PHF14: variants seen among roughly 807,000 people sequenced by gnomAD.
The protein encoded by PHF14 is PHD finger protein 14.
A neutral mutation model predicts 117.9 loss-of-function variants in PHF14; 55 were observed. That is an observed-to-expected ratio of 0.47 (90% CI 0.38 to 0.58). The LOEUF (loss-of-function observed/expected upper bound fraction) is 0.58. PHF14 is among the 20% of genes least tolerant of loss of function. The pLI is 0.00. For synonymous variants in PHF14, 409 were observed against 368.6 expected (o/e 1.11, Z -1.26); for missense variants, 978 against 1,122.2 (o/e 0.87, Z 1.84).
chr7:11,006,563 T>C (rs2128314261), intron 4 of PHF14: 1 of 594,262 alleles, frequency 1.7e-6, no homozygotes, highest in Non-Finnish European at 3.2e-6. Context: ...GCTTGTTGGC[T>C]TTAACTTCCT....
At chr7:11,105,147 A>T in intron 16 of PHF14, 2 of 975,580 alleles carry the variant, frequency 2.1e-6, no homozygotes, top group Non-Finnish European at 2.4e-6. Flanking sequence ...AAAAGACTTG[A>T]AATTAGGGTT....
intron 13 of PHF14, among the ~76,000 whole-genome samples, chr7:11,046,645 T>TG (rs34679172): frequency 3.9e-5 from 6 of 151,900 alleles, no homozygotes; most frequent in Non-Finnish European, 8.8e-5. Context: ...ATTAAAGTTT[T>TG]TACAGGTATT....
intron 17 of PHF14, among the ~76,000 whole-genome samples, chr7:11,123,200 G>C (rs1787825800): frequency 6.6e-6 from 1 of 152,010 alleles, no homozygotes; most frequent in Non-Finnish European, 1.5e-5. Context: ...TGGGATTTAG[G>C]ATTTAAGTGA....
At chr7:10,996,896 G>A (rs983211854) in intron 4 of PHF14, among the ~76,000 whole-genome samples, 10 of 152,194 alleles carry the variant, frequency 6.6e-5, no homozygotes, top group African/African-American at 2.2e-4. Context: ...TGGTCATGGC[G>A]TTAGCTCTCC....
chr7:11,113,888 A>G (rs368858100), intron 17 of PHF14, among the ~76,000 whole-genome samples: 3 of 152,152 alleles, frequency 2.0e-5, no homozygotes, highest in Non-Finnish European at 4.4e-5. Flanking sequence ...GTATATTATT[A>G]ACATCCAAGT....
intron 17 of PHF14, among the ~76,000 whole-genome samples, chr7:11,137,131 C>G (rs576194572): frequency 1.3e-5 from 2 of 152,196 alleles, no homozygotes; most frequent in Non-Finnish European, 2.9e-5. Flanking sequence ...GATTTAATCT[C>G]TCAGGTTTTC....
intron 14 of PHF14, among the ~76,000 whole-genome samples, chr7:11,052,064 C>A (rs1264521971): frequency 6.6e-6 from 1 of 152,092 alleles, no homozygotes; most frequent in African/African-American, 2.4e-5. Flanking sequence ...TCCCGTAAAC[C>A]CCTCGACAAG....
chr7:11,132,996 A>G (rs1231316334), intron 17 of PHF14, among the ~76,000 whole-genome samples: 1 of 151,952 alleles, frequency 6.6e-6, no homozygotes, highest in Non-Finnish European at 1.5e-5. Context: ...GTATGAATCT[A>G]ACAAAATATA....
At chr7:11,164,139 C>T (rs2128357844) in intron 17 of PHF14, among the ~76,000 whole-genome samples, 1 of 152,286 alleles carries the variant, frequency 6.6e-6, no homozygotes, top group East Asian at 1.9e-4. Context: ...TGCCTGTCTG[C>T]ACCGTCTCCC....
At chr7:11,007,729 C>T (rs550431829) in intron 4 of PHF14, among the ~76,000 whole-genome samples, 2 of 152,228 alleles carry the variant, frequency 1.3e-5, no homozygotes, top group East Asian at 3.9e-4. Flanking sequence ...AAAAACATTT[C>T]TAATTGTCCT....
intron 17 of PHF14, among the ~76,000 whole-genome samples, chr7:11,126,964 C>G (rs1183713214): frequency 1.3e-5 from 2 of 152,000 alleles, no homozygotes; most frequent in Non-Finnish European, 2.9e-5. Context: ...AAATTTTGCT[C>G]TTAATTCCAA....
intron 17 of PHF14, among the ~76,000 whole-genome samples, chr7:11,127,429 G>T (rs148963832): frequency 3.5e-4 from 53 of 152,042 alleles, no homozygotes; most frequent in Middle Eastern, 3.4e-3. Flanking sequence ...CTAGAGTCTT[G>T]CTCTTTAACG....
intron 4 of PHF14, among the ~76,000 whole-genome samples, chr7:11,010,101 T>A (rs1490495329): frequency 1.3e-5 from 2 of 152,182 alleles, no homozygotes; most frequent in Non-Finnish European, 2.9e-5. Context: ...GGATGCACAT[T>A]TTATCTAGTT....
chr7:11,167,807 A>G (rs887704407), intron 17 of PHF14, among the ~76,000 whole-genome samples: 3 of 152,274 alleles, frequency 2.0e-5, no homozygotes, highest in South Asian at 2.1e-4. Context: ...GGCGGGGCAG[A>G]TCACGAGGTC....
chr7:11,033,163 GA>G (rs1177225856), intron 7 of PHF14, among the ~76,000 whole-genome samples: 1 of 152,150 alleles, frequency 6.6e-6, no homozygotes, highest in Non-Finnish European at 1.5e-5. Context: ...AGGTTGAAGG[GA>G]TATTCCATGT....
chr7:10,982,229 C>G, intron 2 of PHF14, 143 bp from the exon 3 acceptor site: 1 of 563,548 alleles, frequency 1.8e-6, no homozygotes. Flanking sequence ...TTGGGAATGT[C>G]TACCATTCTT....
chr7:11,116,406 C>G (rs1787603429), intron 17 of PHF14, among the ~76,000 whole-genome samples: 1 of 152,010 alleles, frequency 6.6e-6, no homozygotes, highest in African/African-American at 2.4e-5. Context: ...AAGCCAAGGA[C>G]TGGATGTAGG....
At chr7:10,992,345 T>C (rs1782490929) in intron 4 of PHF14, among the ~76,000 whole-genome samples, 2 of 149,738 alleles carry the variant, frequency 1.3e-5, no homozygotes, top group African/African-American at 4.9e-5. Flanking sequence ...TGAGCCACCG[T>C]GCCTGGCTGA....
intron 16 of PHF14, chr7:11,102,499 G>C: frequency 6.2e-7 from 1 of 1,609,498 alleles, no homozygotes; most frequent in Non-Finnish European, 8.5e-7. Context: ...CCCTTCATGA[G>C]ACCCAACTCT....
Sources: gnomAD v4.1 joint callset for allele counts (sites outside exome capture counted in the v4.1 genomes callset) on GRCh38, gnomAD v4.1.1 for gene constraint, MANE v1.5 for transcripts, NCBI Gene and HGNC (gene_info 2026-07-23, HGNC 2026-07-21) for gene names.